The following OTOGL variants were observed in gnomAD, a reference collection of about 807,000 sequenced individuals.
OTOGL encodes otogelin like, also known as otogelin-like protein.
A neutral mutation model predicts 318.5 loss-of-function variants in OTOGL; 285 were observed. The observed-to-expected ratio is 0.89, with a 90% CI of 0.81 to 0.99. The LOEUF (loss-of-function observed/expected upper bound fraction) is 0.99. Among genes scored for constraint, OTOGL ranks in the 50% least tolerant of loss-of-function variants. The probability of loss-of-function intolerance (pLI) is 0.00; values close to 1 mark genes in which losing one functional copy is unlikely to be tolerated. For synonymous variants in OTOGL, 987 were observed against 936.5 expected (o/e 1.05, Z -0.99); for missense variants, 2,899 against 2,845.6 (o/e 1.02, Z -0.43).
intron 29 of OTOGL, among the ~76,000 whole-genome samples, chr12:80,308,485 G>T (rs1247388999): frequency 2.0e-5 from 3 of 151,754 alleles, no homozygotes; most frequent in Non-Finnish European, 4.4e-5. Context: ...TTTCCAGACT[G>T]GGCAGCCAGG....
chr12:80,335,121 A>G (rs1392439662), intron 38 of OTOGL, among the ~76,000 whole-genome samples: 1 of 152,168 alleles, frequency 6.6e-6, no homozygotes, highest in African/African-American at 2.4e-5. Context: ...GGTATGTAAT[A>G]GGTGCTAAAT....
intron 1 of OTOGL, among the ~76,000 whole-genome samples, chr12:80,101,027 G>C (rs1869105947): frequency 6.6e-6 from 1 of 152,138 alleles, no homozygotes; most frequent in Admixed American, 6.6e-5. Context: ...ATAAGAACTT[G>C]AAAATTTTGT....
chr12:80,209,060 G>T (rs918530776), intron 1 of OTOGL, among the ~76,000 whole-genome samples: 4 of 152,030 alleles, frequency 2.6e-5, no homozygotes, highest in Non-Finnish European at 5.9e-5. Flanking sequence ...AGGAATAATG[G>T]TTATCTCTTG....
chr12:80,267,278 G>C lies in OTOGL; in HGVS notation c.2416G>C (p.Gly806Arg), dbSNP rs768077529. 6.4e-7 allele frequency: 1 copy of C among 1,562,984 alleles called. No individual in the cohort carries two copies. The highest frequency in any genetic ancestry group is 1.2e-5 in the South Asian group (1 of 86,240). ...ATTCCACTGCCGTTGTCATTATAGG[G>C]GCAGTGTTTATCAACCTGGAGAGCT... Reference protein sequence around the residue: ...PIFHCRCHYRGSVYQPGELIP... With the variant: ...PIFHCRCHYRRSVYQPGELIP... The change falls in exon 22 of 59, where the codon GGC (glycine) becomes CGC (arginine). Residue 806 changes from glycine (G) to arginine (R), a missense_variant. Gly to Arg is a moderately radical substitution (Grantham distance 125). Coordinates refer to ENST00000547103, the MANE Select transcript of OTOGL (RefSeq NM_001378609.3).
At chr12:80,348,373 A>G (rs1334056948) in intron 44 of OTOGL, among the ~76,000 whole-genome samples, 1 of 152,200 alleles carries the variant, frequency 6.6e-6, no homozygotes, top group Non-Finnish European at 1.5e-5. Flanking sequence ...TTTATTAAAT[A>G]GGGAATCATT....
At chr12:80,226,221 C>CACA (rs1878837616) in intron 7 of OTOGL, among the ~76,000 whole-genome samples, 1 of 149,310 alleles carries the variant, frequency 6.7e-6, no homozygotes, top group Admixed American at 6.7e-5. Context: ...CACACACACA[C>CACA]ACTTCCCTTC....
intron 1 of OTOGL, among the ~76,000 whole-genome samples, chr12:80,192,037 A>G (rs370461550): frequency 1.3e-5 from 2 of 152,368 alleles, no homozygotes; most frequent in East Asian, 3.9e-4. Flanking sequence ...TATGTAGAAC[A>G]TTGTGAAAGA....
chr12:80,291,173 T>C (rs895573003), intron 26 of OTOGL, among the ~76,000 whole-genome samples: 2 of 152,212 alleles, frequency 1.3e-5, no homozygotes, highest in African/African-American at 4.8e-5. Context: ...AGAGAAATAA[T>C]ATCAACTAAT....
rs183501490 is a variant in OTOGL, at chr12:80,161,675, C to T, written c.-19-47738C>T. ...CATGGCACTGAAAGAACGGTGCTACCGTTAGTAGAAATATACAAGATAGTG... is the reference window on the plus strand; with the variant it reads ...CATGGCACTGAAAGAACGGTGCTACTGTTAGTAGAAATATACAAGATAGTG... On this transcript the variant is annotated intron_variant, in intron 1 of 58. Coordinates refer to ENST00000547103, the MANE Select transcript of OTOGL (RefSeq NM_001378609.3). Among the ~76,000 whole-genome samples, 823 of 152,022 alleles carry T rather than the reference C, an allele frequency of 5.4e-3. 30 individuals are homozygous for T. The highest frequency in any genetic ancestry group is 1.3e-3 in the Non-Finnish European group (88 of 67,934).
rs201284401 is a variant in OTOGL, at chr12:80,303,163, T to TA, written c.3213+380_3213+381insA. On this transcript the variant is annotated intron_variant, in intron 28 of 58. Transcript: ENST00000547103. ...TTACATGCAGTAAAATTATTATTAT[T>TA]TTTTTTTTTTGAGACGGAGTCTGGC... Among the ~76,000 whole-genome samples, 139 of 151,464 alleles carry TA rather than the reference T, an allele frequency of 9.2e-4. 1 individual carries two copies. Among genetic ancestry groups the TA allele is most frequent in the South Asian group, 1.7e-3 (8 of 4,784 alleles).
chr12:80,342,758 C>T (rs545441104), intron 44 of OTOGL, among the ~76,000 whole-genome samples: 4 of 152,136 alleles, frequency 2.6e-5, no homozygotes, highest in East Asian at 3.9e-4. Flanking sequence ...ATGAATAGGG[C>T]GCTCTCCTTG....
At chr12:80,233,161 G>A in intron 9 of OTOGL, 64 bp downstream of exon 9, 2 of 1,399,180 alleles carry the variant, frequency 1.4e-6, no homozygotes, top group Non-Finnish European at 1.9e-6. Context: ...TGACCAAGTT[G>A]TTTGTACCCA....
chr12:80,200,205 G>A (rs2137282341), intron 1 of OTOGL, among the ~76,000 whole-genome samples: 1 of 152,294 alleles, frequency 6.6e-6, no homozygotes, highest in Non-Finnish European at 1.5e-5. Flanking sequence ...ACACATGAAA[G>A]ATAAATAGGA....
At chr12:80,110,127 G>T (rs1869745448) in intron 1 of OTOGL, among the ~76,000 whole-genome samples, 1 of 145,912 alleles carries the variant, frequency 6.9e-6, no homozygotes, top group African/African-American at 2.6e-5. Context: ...GAGTGCAGTG[G>T]CACCATCTCG....
intron 1 of OTOGL, among the ~76,000 whole-genome samples, chr12:80,184,589 C>T (rs1467606004): frequency 6.6e-6 from 1 of 151,896 alleles, no homozygotes; most frequent in Non-Finnish European, 1.5e-5. Context: ...AGATAATGGC[C>T]CTATTTAGGG....
chr12:80,263,690 T>C (rs1333367688), intron 19 of OTOGL, among the ~76,000 whole-genome samples: 1 of 152,046 alleles, frequency 6.6e-6, no homozygotes, highest in Non-Finnish European at 1.5e-5. Context: ...AACTGTGATT[T>C]TTTTTTAAAA....
intron 33 of OTOGL, 26 bp downstream of exon 33, chr12:80,318,739 T>C: frequency 8.4e-7 from 1 of 1,192,220 alleles, no homozygotes; most frequent in Non-Finnish European, 1.1e-6. Context: ...AATAAGAGTT[T>C]AGCTTTCCAA....
At chr12:80,200,105 C>T (rs1419105685) in intron 1 of OTOGL, among the ~76,000 whole-genome samples, 1 of 152,184 alleles carries the variant, frequency 6.6e-6, no homozygotes, top group Non-Finnish European at 1.5e-5. Context: ...AGGTCAAATA[C>T]TGCATGTGAG....
At position 80,269,206 on chromosome 12, in the gene OTOGL, C is replaced by T. The variant is rs1360124784; in HGVS notation, c.2466-896C>T. Among the ~76,000 whole-genome samples, 4 of 152,114 alleles carry T rather than the reference C, an allele frequency of 2.6e-5. No individual in the cohort carries two copies. In the East Asian group the frequency reaches 7.7e-4, roughly 29 times the overall value. ...GACTGTATATGTGATTCAGCTTCTT[C>T]ATCTGGGCTTAAATATAGAACATAT... On this transcript the variant is annotated intron_variant, in intron 22 of 58. Transcript: ENST00000547103.
Sources: allele counts gnomAD v4.1 joint callset (sites outside exome capture counted in the v4.1 genomes callset), GRCh38; gene constraint gnomAD v4.1.1; transcripts MANE v1.5; gene names NCBI Gene and HGNC (gene_info 2026-07-23, HGNC 2026-07-21).